NGLY1: variants seen among roughly 807,000 people sequenced by gnomAD.
The protein encoded by NGLY1 is N-glycanase 1.
Under a neutral mutation model 84.6 loss-of-function variants are expected in NGLY1, and 68 were observed. That is an observed-to-expected ratio of 0.80 (90% confidence interval 0.66 to 0.98). The LOEUF is 0.98. Ranked by LOEUF, NGLY1 falls within the 50% of genes least tolerant of loss-of-function variation. The probability of loss-of-function intolerance (pLI) is 0.00; values close to 1 mark genes in which losing one functional copy is unlikely to be tolerated. For synonymous variants in NGLY1, 280 were observed against 275.2 expected, an observed-to-expected ratio of 1.02 and a Z score of -0.17; for missense variants, 779 against 770.2, an observed-to-expected ratio of 1.01 and a Z score of -0.14.
At chr3:25,763,313 T>C (rs1707402860) in intron 3 of NGLY1, among the ~76,000 whole-genome samples, 1 of 152,166 alleles carries the variant, frequency 6.6e-6, no homozygotes, top group Non-Finnish European at 1.5e-5. Context: ...ATACTGCAAT[T>C]AAAAAGATAA....
At chr3:25,721,644 G>A (rs1184482768) in intron 10 of NGLY1, among the ~76,000 whole-genome samples, 4 of 148,362 alleles carry the variant, frequency 2.7e-5, no homozygotes, top group Non-Finnish European at 5.9e-5. Context: ...AGCTATTCAG[G>A]AGGCTGAGGC....
At chr3:25,752,922 C>T (rs2125518343) in intron 3 of NGLY1, among the ~76,000 whole-genome samples, 1 of 152,056 alleles carries the variant, frequency 6.6e-6, no homozygotes, top group African/African-American at 2.4e-5. Context: ...TAACCAAAGG[C>T]ATTTTCTGAG....
Position 25,764,388 on chromosome 3 carries a change from T to C in NGLY1, c.247-77A>G, listed in dbSNP as rs11129208. ...TCTTTTGTGCACACACACACAGAAA[T>C]GTATAATGAAACCAATAATATAGAA... On this transcript the variant is annotated intron_variant, in intron 2 of 11. Coordinates refer to ENST00000280700, the MANE Select transcript of NGLY1 (RefSeq NM_018297.4). 1,175,912 of 1,439,266 alleles carry C rather than the reference T, an allele frequency of 0.82. 487,576 individuals are homozygous for C. The highest frequency in any genetic ancestry group is 0.93 in the East Asian group (41,061 of 44,038). 89.2% of individuals were successfully genotyped at this position (1,439,266 alleles called of 1,614,324 possible). A position where few individuals can be genotyped will look rare whatever the true frequency, so the allele number is the denominator to read the frequency against.
At chr3:25,786,061 A>T, upstream of NGLY1, among the ~76,000 whole-genome samples, 1 of 152,140 alleles carries the variant, frequency 6.6e-6, no homozygotes, top group East Asian at 1.9e-4. Flanking sequence ...AAAGACTTCA[A>T]CTCCTCCCCT....
rs144243566 is a variant in NGLY1 at position 25,781,363 on chromosome 3, T to C, written c.131+1897A>G. On this transcript the variant is annotated intron_variant, in intron 1 of 11. Transcript: ENST00000280700. ...CAGTCACATCCAGTTCCTCAAATTC[T>C]TTTTCTTATTAAGTATGTTGAGTAA... is the stretch of plus-strand genomic sequence containing the variant. Among the ~76,000 whole-genome samples, 75 of 152,262 alleles carry C rather than the reference T, an allele frequency of 4.9e-4. No individual in the cohort carries two copies. The East Asian group carries it at 0.014, about 29-fold the overall frequency.
intron 10 of NGLY1, among the ~76,000 whole-genome samples, chr3:25,724,004 T>A (rs2125450149): frequency 6.6e-6 from 1 of 152,346 alleles, no homozygotes; most frequent in Non-Finnish European, 1.5e-5. Flanking sequence ...GTCTACGGTT[T>A]AGGCATAAGC....
intron 10 of NGLY1, among the ~76,000 whole-genome samples, chr3:25,724,640 A>T (rs1705163292): frequency 6.6e-6 from 1 of 151,990 alleles, no homozygotes; most frequent in African/African-American, 2.4e-5. Context: ...CTCTAGTCTC[A>T]TTTCTCACTA....
chr3:25,750,082 T>C (rs906679520), intron 4 of NGLY1, among the ~76,000 whole-genome samples: 1 of 152,154 alleles, frequency 6.6e-6, no homozygotes, highest in African/African-American at 2.4e-5. Flanking sequence ...CAGTTCCACA[T>C]GGCTGGAGAG....
intron 8 of NGLY1, among the ~76,000 whole-genome samples, chr3:25,733,346 C>T (rs1459517936): frequency 1.3e-5 from 2 of 151,976 alleles, no homozygotes; most frequent in Non-Finnish European, 2.9e-5. Context: ...AATTTCAATA[C>T]TATCAAAGGG....
intron 2 of NGLY1, among the ~76,000 whole-genome samples, chr3:25,777,030 C>T (rs1159391925): frequency 2.0e-5 from 3 of 152,210 alleles, no homozygotes; most frequent in Non-Finnish European, 4.4e-5. Context: ...CATCCCTTGT[C>T]CCCATCCCAC....
At chr3:25,745,571 C>T (rs1706376017) in intron 4 of NGLY1, among the ~76,000 whole-genome samples, 1 of 152,134 alleles carries the variant, frequency 6.6e-6, no homozygotes, top group African/African-American at 2.4e-5. Flanking sequence ...TGACATCTTC[C>T]TTATATATAC....
At chr3:25,739,079 T>C (rs1336207908) in intron 5 of NGLY1, among the ~76,000 whole-genome samples, 1 of 152,146 alleles carries the variant, frequency 6.6e-6, no homozygotes, top group Non-Finnish European at 1.5e-5. Context: ...GTGAATACAA[T>C]TATGTGTTTA....
In NGLY1 at chr3:25,729,308, GTTTCTTTTCTCTTAAAAAGAAAGCAGAA is replaced by G; in HGVS notation, c.1426-18_1435del. 1 of 1,387,146 alleles carries G rather than the reference GTTTCTTTTCTCTTAAAAAGAAAGCAGAA, an allele frequency of 7.2e-7. No homozygotes were observed. The highest frequency in any genetic ancestry group is 1.9e-5 in the South Asian group (1 of 52,028). 85.9% of individuals were successfully genotyped at this position (1,387,146 alleles called of 1,614,324 possible). On this transcript the variant is annotated splice_acceptor_variant and splice_polypyrimidine_tract_variant and coding_sequence_variant and intron_variant, in exon 10 of 12. Coordinates refer to ENST00000280700, the MANE Select transcript of NGLY1 (RefSeq NM_018297.4). LOFTEE classifies it high-confidence loss of function. ...CTCATTTTCACAGGGAATAAACAAGGTTTCTTTTCTCTTAAAAAGAAAGCAGAATTAGTTTTTCAACATTATGAAAGAT... is the reference window on the plus strand; with the variant it reads ...CTCATTTTCACAGGGAATAAACAAGGTTAGTTTTTCAACATTATGAAAGAT...
intron 2 of NGLY1, among the ~76,000 whole-genome samples, chr3:25,772,312 T>C (rs545594309): frequency 1.0e-3 from 155 of 152,358 alleles, no homozygotes; most frequent in Middle Eastern, 3.4e-3. Flanking sequence ...AATTGTTTTA[T>C]AAATTTGGGA....
chr3:25,736,902 T>C lies in NGLY1; in HGVS notation c.1003+432A>G, dbSNP rs76317108. 639 of 162,080 alleles carry C rather than the reference T, an allele frequency of 3.9e-3. 3 individuals carry two copies. Among genetic ancestry groups the C allele is most frequent in the African/African-American group, 0.015 (613 of 41,778 alleles). 10.0% of individuals were successfully genotyped at this position (162,080 alleles called of 1,614,324 possible). A position where few individuals can be genotyped will look rare whatever the true frequency, so the allele number is the denominator to read the frequency against. On this transcript the variant is annotated intron_variant, in intron 6 of 11. Transcript: ENST00000280700. The stretch of plus-strand genomic sequence containing the variant: ...GTGTTTGATAGATCAATAGGGTGTT[T>C]ACAGTTTACAATAATCCACTGCATA...
chr3:25,777,294 C>T (rs1330253976), intron 2 of NGLY1, among the ~76,000 whole-genome samples: 2 of 149,174 alleles, frequency 1.3e-5, no homozygotes, highest in Non-Finnish European at 3.0e-5. Context: ...ACTCAGGAGG[C>T]TGAGGCAGGA....
Position 25,783,216 on chromosome 3 carries a change from C to T in NGLY1, c.131+44G>A. ...TCCCTGGCCGAACAAGGTGCCGCGG[C>T]CCACCCACCCCGGTACCCGCCGTCC... On this transcript the variant is annotated intron_variant, in intron 1 of 11. Transcript: ENST00000280700. This position sits in a 1 kb window ranked among gnomAD's most constrained non-coding sequence, Gnocchi z 4.5. 1 of 1,535,656 alleles carries T rather than the reference C, an allele frequency of 6.5e-7. No homozygotes were observed. Among genetic ancestry groups the T allele is most frequent in the Non-Finnish European group, 9.0e-7 (1 of 1,116,564 alleles).
rs1397279244 is a variant in NGLY1 at position 25,751,006 on chromosome 3, C to T, written c.658+92G>A. On this transcript the variant is annotated intron_variant, in intron 4 of 11. Transcript: ENST00000280700. ...TAAGTGGACCCATGCAGTTCAAACC[C>T]ATGTTCTTCAAGGGTCAGTTGTATT... The T allele has an allele frequency of 4.6e-6, 6 of 1,297,694 alleles. No individual in the cohort carries two copies. In the African/African-American group the frequency reaches 7.4e-5, roughly 16 times the overall value. The allele number at this position is 1,297,694 out of a possible 1,614,324, so 80.4% of individuals were successfully genotyped here. A position where few individuals can be genotyped will look rare whatever the true frequency, so the allele number is the denominator to read the frequency against.
intron 2 of NGLY1, among the ~76,000 whole-genome samples, chr3:25,764,707 A>G (rs112960167): frequency 2.2e-3 from 330 of 152,320 alleles, no homozygotes; most frequent in Non-Finnish European, 3.3e-3. Flanking sequence ...ATGAAATAAT[A>G]ATGACAGTAG....
Sources: allele counts gnomAD v4.1 joint callset (sites outside exome capture counted in the v4.1 genomes callset), GRCh38; gene constraint gnomAD v4.1.1; non-coding constraint Gnocchi (gnomAD v3.1); transcripts MANE v1.5; gene names NCBI Gene and HGNC (gene_info 2026-07-23, HGNC 2026-07-21).